SLC25A26: variants seen among roughly 807,000 people sequenced by gnomAD.
The protein encoded by SLC25A26 is solute carrier family 25 member 26, also known as mitochondrial S-adenosylmethionine carrier protein.
SLC25A26 carries 36 observed loss-of-function variants against 37.8 expected under a neutral mutation model. The observed-to-expected ratio is 0.95, with a 90% confidence interval of 0.73 to 1.26. The LOEUF (loss-of-function observed/expected upper bound fraction) is 1.26. Ranked by LOEUF, SLC25A26 falls within the 50% of genes most tolerant of loss-of-function variation. The pLI is 0.00. For missense variants in SLC25A26, 390 were observed against 331.1 expected (o/e 1.18, Z -1.38); for synonymous variants, 129 against 122.5 (o/e 1.05, Z -0.35).
intron 5 of SLC25A26, among the ~76,000 whole-genome samples, chr3:66,274,041 C>T (rs965349044): frequency 6.6e-6 from 1 of 152,186 alleles, no homozygotes; most frequent in South Asian, 2.1e-4. Flanking sequence ...GGTACTGGTA[C>T]CAAAACAGAG....
intron 3 of SLC25A26, among the ~76,000 whole-genome samples, chr3:66,246,008 A>G (rs1341373178): frequency 6.6e-6 from 1 of 152,180 alleles, no homozygotes; most frequent in Non-Finnish European, 1.5e-5. Flanking sequence ...CCACTGGTCT[A>G]CTTTCTATCT....
At chr3:66,293,810 C>G (rs891519638) in intron 5 of SLC25A26, among the ~76,000 whole-genome samples, 1 of 152,038 alleles carries the variant, frequency 6.6e-6, no homozygotes, top group African/African-American at 2.4e-5. Context: ...TAGGTTGATT[C>G]CATGTCTTTG....
intron 5 of SLC25A26, among the ~76,000 whole-genome samples, chr3:66,277,693 GAA>G (rs1443658431): frequency 3.3e-5 from 5 of 152,042 alleles, no homozygotes; most frequent in Non-Finnish European, 7.4e-5. Flanking sequence ...TTACAAAGGG[GAA>G]AATAGTAATT....
intron 5 of SLC25A26, among the ~76,000 whole-genome samples, chr3:66,276,525 A>G (rs2074152971): frequency 6.6e-6 from 1 of 152,112 alleles, no homozygotes; most frequent in Non-Finnish European, 1.5e-5. Flanking sequence ...TATGGGCAGA[A>G]CACAATGAGA....
chr3:66,326,982 T>G (rs2075854912), intron 5 of SLC25A26, among the ~76,000 whole-genome samples: 1 of 152,160 alleles, frequency 6.6e-6, no homozygotes, highest in African/African-American at 2.4e-5. Context: ...AGGTAGAGAC[T>G]CTCATGTTTA....
intron 1 of SLC25A26, among the ~76,000 whole-genome samples, chr3:66,228,201 G>T (rs540295894): frequency 8.5e-5 from 13 of 152,326 alleles, no homozygotes; most frequent in African/African-American, 2.6e-4. Flanking sequence ...CACCAATCAT[G>T]CAAGGACCAC....
chr3:66,137,264 G>A (rs1225934579), intron 1 of SLC25A26, among the ~76,000 whole-genome samples: 9 of 139,470 alleles, frequency 6.5e-5, no homozygotes, highest in African/African-American at 2.2e-4. Context: ...CTTGTCGCCC[G>A]AGCTGGAGTG....
At chr3:66,345,491 T>G (rs1289966203) in intron 5 of SLC25A26, among the ~76,000 whole-genome samples, 1 of 150,960 alleles carries the variant, frequency 6.6e-6, no homozygotes, top group Non-Finnish European at 1.5e-5. Flanking sequence ...CCTCCTCCTC[T>G]CTGCCCCCCT....
At chr3:66,296,042 G>A (rs111893139) in intron 5 of SLC25A26, among the ~76,000 whole-genome samples, 24,331 of 151,880 alleles carry the variant, frequency 0.16, 2,359 homozygotes, top group Non-Finnish European at 0.22. Context: ...GCTTGAACCC[G>A]GGAGGCGGAG....
chr3:66,322,766 T>G (rs1348573944), intron 5 of SLC25A26, among the ~76,000 whole-genome samples: 2 of 152,210 alleles, frequency 1.3e-5, no homozygotes, highest in African/African-American at 4.8e-5. Context: ...TGGTAAATTA[T>G]CAGTTGCTAG....
At chr3:66,190,014 A>G (rs940220373) in intron 1 of SLC25A26, among the ~76,000 whole-genome samples, 72 of 152,198 alleles carry the variant, frequency 4.7e-4, no homozygotes, top group Admixed American at 1.8e-3. Context: ...CCCTCAAAGT[A>G]AGAAACTACA....
intron 6 of SLC25A26, among the ~76,000 whole-genome samples, chr3:66,361,017 G>A (rs776265429): frequency 2.6e-5 from 4 of 152,226 alleles, no homozygotes; most frequent in Non-Finnish European, 5.9e-5. Context: ...TTACAGTAGT[G>A]AAGAAAGTAT....
chr3:66,322,566 T>C (rs967762325), intron 5 of SLC25A26, among the ~76,000 whole-genome samples: 1 of 152,212 alleles, frequency 6.6e-6, no homozygotes, highest in South Asian at 2.1e-4. Flanking sequence ...AACAGACTTT[T>C]AGGACTTTAT....
chr3:66,206,364 A>G (rs2071177217), intron 1 of SLC25A26, among the ~76,000 whole-genome samples: 1 of 152,142 alleles, frequency 6.6e-6, no homozygotes, highest in African/African-American at 2.4e-5. Context: ...GCTGCCACAT[A>G]TGGCTATTTA....
At chr3:66,294,443 T>C (rs888914721) in intron 5 of SLC25A26, among the ~76,000 whole-genome samples, 4 of 152,190 alleles carry the variant, frequency 2.6e-5, no homozygotes, top group Admixed American at 6.5e-5. Context: ...TTTCTAGATA[T>C]ATGATCATGT....
At chr3:66,368,056 C>T (rs2107831103) in intron 7 of SLC25A26, among the ~76,000 whole-genome samples, 1 of 152,284 alleles carries the variant, frequency 6.6e-6, no homozygotes, top group South Asian at 2.1e-4. Flanking sequence ...AAGTCAGTGT[C>T]ATAATCAGTG....
intron 5 of SLC25A26, among the ~76,000 whole-genome samples, chr3:66,327,318 A>C (rs1303525070): frequency 6.6e-6 from 1 of 152,188 alleles, no homozygotes; most frequent in African/African-American, 2.4e-5. Context: ...ATGTTTTTCA[A>C]AGTTTTCTTA....
At chr3:66,353,500 C>T (rs538694790) in intron 6 of SLC25A26, among the ~76,000 whole-genome samples, 30 of 152,270 alleles carry the variant, frequency 2.0e-4, no homozygotes, top group African/African-American at 6.7e-4. Flanking sequence ...TTCTTAATCA[C>T]GTTACATGTA....
chr3:66,375,854 T>TA (rs1367683426), intron 9 of SLC25A26, among the ~76,000 whole-genome samples: 1 of 151,954 alleles, frequency 6.6e-6, no homozygotes, highest in African/African-American at 2.4e-5. Flanking sequence ...TTAAATTTCA[T>TA]AAGGCTACAG....
Sources: gnomAD v4.1 joint callset for allele counts (sites outside exome capture counted in the v4.1 genomes callset) on GRCh38, gnomAD v4.1.1 for gene constraint, MANE v1.5 for transcripts, NCBI Gene and HGNC (gene_info 2026-07-23, HGNC 2026-07-21) for gene names.